The following PCDHA3 variants were observed in gnomAD, a reference collection of about 807,000 sequenced individuals.
PCDHA3 encodes protocadherin alpha-3.
Under a neutral mutation model 62.2 loss-of-function variants are expected in PCDHA3, and 41 were observed. The ratio of observed to expected loss-of-function variants is 0.66; its 90% CI spans 0.51 to 0.86. The LOEUF is 0.86. Ranked by LOEUF, PCDHA3 falls within the 40% of genes least tolerant of loss-of-function variation. The probability of loss-of-function intolerance (pLI) is 0.00; values close to 1 mark genes in which losing one functional copy is unlikely to be tolerated. For missense variants in PCDHA3, 1,304 were observed against 1,241.2 expected (o/e 1.05, Z -0.76); for synonymous variants, 640 against 555.4 (o/e 1.15, Z -2.14).
intron 3 of PCDHA3, among the ~76,000 whole-genome samples, chr5:141,002,971 T>C (rs138459473): frequency 6.6e-6 from 1 of 152,274 alleles, no homozygotes; most frequent in African/African-American, 2.4e-5. Flanking sequence ...TTCCTGAAAA[T>C]AGTATCCTTG....
rs372854727 is a variant in PCDHA3 at position 140,857,673 on chromosome 5, C to A, written c.2394+54082C>A. On this transcript the variant is annotated intron_variant, in intron 1 of 3. Transcript: ENST00000522353. Reference sequence around the variant, plus strand: ...GTGAGCGCGCGCGATGGGGGCGTGCCGCCTCTGGGCAGCAACTTGACGCTG... The same window carrying A: ...GTGAGCGCGCGCGATGGGGGCGTGCAGCCTCTGGGCAGCAACTTGACGCTG... 2.5e-6 allele frequency: 4 copies of A among 1,596,826 alleles called. 1 individual carries two copies. The highest frequency in any genetic ancestry group is 3.4e-6 in the Non-Finnish European group (4 of 1,167,768).
At chr5:140,840,489 C>T (rs2150307286) in intron 1 of PCDHA3, among the ~76,000 whole-genome samples, 6 of 151,924 alleles carry the variant, frequency 3.9e-5, no homozygotes, top group Non-Finnish European at 5.9e-5. Flanking sequence ...AGGCATAATT[C>T]TGGTAAATAC....
At chr5:140,829,711 G>A (rs2150173108) in intron 1 of PCDHA3, 1 of 1,613,342 alleles carries the variant, frequency 6.2e-7, no homozygotes, top group Admixed American at 1.7e-5. Flanking sequence ...CGCGCGACGC[G>A]GGCGTGCCGC....
At chr5:140,841,910 A>C (rs2150325342) in intron 1 of PCDHA3, 2 of 1,613,928 alleles carry the variant, frequency 1.2e-6, no homozygotes, top group Admixed American at 3.3e-5. Context: ...GCTCGTATTA[A>C]GAAAATCCTT....
Position 140,803,106 on chromosome 5 carries a change from C to T in PCDHA3, c.1909C>T (p.Leu637=), listed in dbSNP as rs781825644. 3.1e-6 allele frequency: 5 copies of T among 1,613,860 alleles called. No homozygotes were observed. Among genetic ancestry groups the T allele is most frequent in the East Asian group, 2.2e-5 (1 of 44,874 alleles). Residue 637 remains leucine (L), a synonymous_variant, in exon 1 of 4, where the codon CTG becomes TTG. Coordinates refer to ENST00000522353, the MANE Select transcript of PCDHA3 (RefSeq NM_018906.3). ...GGGAGAGATCAGCACGACCCGTGCC[C>T]TGGACGAGGTGGACGCCCCGCGCCA... ...YTGEISTTRA[L]DEVDAPRHRL... is the part of the protein sequence containing the mutation.
rs976941925 is a variant in PCDHA3, at chr5:140,854,525, C to T, written c.2394+50934C>T. 1.3e-5 allele frequency: 2 copies of T among 149,636 alleles called. 1 individual carries two copies. The highest frequency in any genetic ancestry group is 4.9e-5 in the African/African-American group (2 of 40,820). 9.3% of individuals were successfully genotyped at this position (149,636 alleles called of 1,614,324 possible). A position where few individuals can be genotyped will look rare whatever the true frequency, so the allele number is the denominator to read the frequency against. On this transcript the variant is annotated intron_variant, in intron 1 of 3. Transcript: ENST00000522353. ...CATAAACTGATGGATTAAGTGACAC[C>T]CATTTCTGTCAGTTTTCTTATTCAT...
chr5:140,961,878 C>A (rs2095639757), intron 1 of PCDHA3, among the ~76,000 whole-genome samples: 1 of 150,888 alleles, frequency 6.6e-6, no homozygotes, highest in Non-Finnish European at 1.5e-5. Context: ...AATTGACTTA[C>A]TTACATCAGT....
rs1554121300 is a variant in PCDHA3, at chr5:140,801,191, A to G, written c.-7A>G. 6.3e-7 allele frequency: 1 copy of G among 1,582,778 alleles called. No homozygotes were observed. The highest frequency in any genetic ancestry group is 1.4e-5 in the African/African-American group (1 of 73,494). On this transcript the variant is annotated 5_prime_UTR_variant, in exon 1 of 4. The change creates a new upstream start codon in the 5' untranslated region. Coordinates refer to ENST00000522353, the MANE Select transcript of PCDHA3 (RefSeq NM_018906.3). Reference sequence around the variant, plus strand: ...AAAGGCAATCTAATATTTGGAAAATACTTGCAATGTTGTTCTCCTGGCGAG... The same window carrying G: ...AAAGGCAATCTAATATTTGGAAAATGCTTGCAATGTTGTTCTCCTGGCGAG...
chr5:140,836,566 C>T, intron 1 of PCDHA3: 1 of 1,613,742 alleles, frequency 6.2e-7, no homozygotes, highest in Non-Finnish European at 8.5e-7. Flanking sequence ...GCGCCGTCCT[C>T]TGAGGGCGCA....
Position 140,803,325 on chromosome 5 carries a change from C to G in PCDHA3, c.2128C>G (p.Leu710Val). 6.2e-7 allele frequency: 1 copy of G among 1,614,176 alleles called. No homozygotes were observed. The highest frequency in any genetic ancestry group is 1.1e-5 in the South Asian group (1 of 91,092). Residue 710 changes from leucine (L) to valine (V), a missense_variant, in exon 1 of 4, where the codon CTG becomes GTG. Physicochemically the swap from Leu to Val is conservative, Grantham distance 32. Transcript: ENST00000522353. ...CGTCGCCATCTGCGCGGTGTCCAGT[C>G]TGTTGGTGCTCACACTGCTGCTATA... Reference protein sequence around the residue: ...LIVAICAVSSLLVLTLLLYTA... With the variant: ...LIVAICAVSSVLVLTLLLYTA...
chr5:140,953,517 A>G (rs1554220954), intron 1 of PCDHA3, among the ~76,000 whole-genome samples: 1 of 152,168 alleles, frequency 6.6e-6, no homozygotes, highest in African/African-American at 2.4e-5. Flanking sequence ...CAAAGCAACA[A>G]AAACGGGAAA....
chr5:140,878,537 C>G (rs1554170454), intron 1 of PCDHA3, among the ~76,000 whole-genome samples: 2 of 152,152 alleles, frequency 1.3e-5, no homozygotes, highest in African/African-American at 4.8e-5. Flanking sequence ...GTGGCTCAAA[C>G]CAGTTTCAGA....
Position 140,853,605 on chromosome 5 carries a change from G to A in PCDHA3, c.2394+50014G>A, listed in dbSNP as rs773791072. ...TCTTAGACACTTTGAGAGCAAAGGG[G>A]GTGCTGTAAATAAGTATACAAGATC... On this transcript the variant is annotated intron_variant, in intron 1 of 3. Transcript: ENST00000522353. 143 of 987,206 alleles carry A rather than the reference G, an allele frequency of 1.4e-4. 19 individuals carry two copies. The highest frequency in any genetic ancestry group is 1.7e-4 in the Non-Finnish European group (138 of 819,622). 61.2% of individuals were successfully genotyped at this position (987,206 alleles called of 1,614,324 possible). A position where few individuals can be genotyped will look rare whatever the true frequency, so the allele number is the denominator to read the frequency against.
chr5:140,980,933 C>G (rs1376814777), intron 2 of PCDHA3, among the ~76,000 whole-genome samples: 1 of 152,120 alleles, frequency 6.6e-6, no homozygotes, highest in African/African-American at 2.4e-5. Flanking sequence ...CTGCTTTGAG[C>G]TGAGCTGGCT....
At chr5:140,822,795 G>C (rs2150119402) in intron 1 of PCDHA3, 1 of 1,614,092 alleles carries the variant, frequency 6.2e-7, no homozygotes, top group East Asian at 2.2e-5. Context: ...TGAAACTCCT[G>C]GATGTGAATG....
At chr5:140,867,399 A>C (rs1001723593) in intron 1 of PCDHA3, 2 of 152,166 alleles carry the variant, frequency 1.3e-5, no homozygotes, top group African/African-American at 4.8e-5. Flanking sequence ...AAAAGTTGAT[A>C]TGTCTCCTTT....
In PCDHA3 at chr5:140,802,226, C is replaced by T. The variant is rs1762871505; in HGVS notation, c.1029C>T (p.Ile343=). The T allele has an allele frequency of 2.5e-6, 4 of 1,614,174 alleles. No homozygotes were observed. Among genetic ancestry groups the T allele is most frequent in the Non-Finnish European group, 3.4e-6 (4 of 1,180,028 alleles). ...HCTVLLEIVD[I]NDNVPELVIQ... ...CAGTTCTACTCGAAATTGTGGACATCAATGATAATGTACCTGAGTTAGTTA... is the reference window on the plus strand; with the variant it reads ...CAGTTCTACTCGAAATTGTGGACATTAATGATAATGTACCTGAGTTAGTTA... Residue 343 remains isoleucine (I), a synonymous_variant, in exon 1 of 4, where the codon ATC becomes ATT. Transcript: ENST00000522353.
chr5:140,950,959 T>C (rs969091651), intron 1 of PCDHA3, among the ~76,000 whole-genome samples: 5 of 152,120 alleles, frequency 3.3e-5, no homozygotes, highest in Non-Finnish European at 5.9e-5. Context: ...TCTATTGATC[T>C]ATTTTCAGAT....
chr5:140,977,314 C>CTCCTGATG (rs1482871612), intron 1 of PCDHA3, among the ~76,000 whole-genome samples: 1 of 152,152 alleles, frequency 6.6e-6, no homozygotes, highest in African/African-American at 2.4e-5. Context: ...AACGATAGTG[C>CTCCTGATG]TCCTGATGGC....
Sources: allele counts gnomAD v4.1 joint callset (sites outside exome capture counted in the v4.1 genomes callset), GRCh38; gene constraint gnomAD v4.1.1; transcripts MANE v1.5; gene names NCBI Gene and HGNC (gene_info 2026-07-23, HGNC 2026-07-21).